STIM2: variants seen among roughly 807,000 people sequenced by gnomAD.
STIM2 encodes the protein stromal interaction molecule 2.
In STIM2, 31 loss-of-function variants were observed where a neutral mutation model predicts 85.8. That is an observed-to-expected ratio of 0.36 (90% CI 0.27 to 0.49). STIM2 has a LOEUF of 0.49. Among genes scored for constraint, STIM2 ranks in the 20% least tolerant of loss-of-function variants. The probability of loss-of-function intolerance (pLI) is 0.98; values close to 1 mark genes in which losing one functional copy is unlikely to be tolerated. For missense variants in STIM2, 841 were observed against 927.6 expected (o/e 0.91, Z 1.21); for synonymous variants, 356 against 331.1 (o/e 1.08, Z -0.82).
chr4:27,019,368 C>A (rs756915710), intron 11 of STIM2: 1 of 1,245,774 alleles, frequency 8.0e-7, no homozygotes, highest in Non-Finnish European at 1.1e-6. Context: ...TTGGTTAACA[C>A]TTTATGACTA....
rs187392174 is a variant in STIM2 at position 26,957,801 on chromosome 4, T to C, written c.397+75T>C. On this transcript the variant is annotated intron_variant, in intron 3 of 11. Coordinates refer to ENST00000467087, the MANE Select transcript of STIM2 (RefSeq NM_020860.4). ...TGCTTAGTTGTTCTCAACTCACTTA[T>C]AGTATGCTTTTACCAAAAAAATCAA... 110 of 859,668 alleles carry C rather than the reference T, an allele frequency of 1.3e-4. No individual in the cohort carries two copies. In the East Asian group the frequency reaches 1.5e-3, roughly 12 times the overall value. The allele number at this position is 859,668 out of a possible 1,614,324, so 53.3% of individuals were successfully genotyped here.
At chr4:26,990,034 G>A (rs1227325109) in intron 3 of STIM2, among the ~76,000 whole-genome samples, 3 of 151,968 alleles carry the variant, frequency 2.0e-5, no homozygotes, top group African/African-American at 7.2e-5. Flanking sequence ...ACTACCTAAA[G>A]TGATCTACAG....
chr4:26,913,961 A>G (rs1353941185), intron 1 of STIM2, among the ~76,000 whole-genome samples: 5 of 152,204 alleles, frequency 3.3e-5, no homozygotes, highest in Non-Finnish European at 5.9e-5. Context: ...GAAAGAGTGA[A>G]GGAGAAGGCT....
At chr4:26,877,309 C>T (rs911524153) in intron 1 of STIM2, among the ~76,000 whole-genome samples, 28 of 152,020 alleles carry the variant, frequency 1.8e-4, no homozygotes, top group African/African-American at 6.8e-4. Context: ...TTTAGCATTG[C>T]CATTTGACTC....
At chr4:26,936,246 G>C (rs1202631596) in intron 2 of STIM2, among the ~76,000 whole-genome samples, 2 of 152,154 alleles carry the variant, frequency 1.3e-5, no homozygotes, top group African/African-American at 2.4e-5. Context: ...ATGTCCTTAT[G>C]TCCTGACAAT....
chr4:26,915,279 G>A (rs1257289016), intron 1 of STIM2, among the ~76,000 whole-genome samples: 1 of 152,102 alleles, frequency 6.6e-6, no homozygotes, highest in East Asian at 1.9e-4. Flanking sequence ...CTGTTACCCA[G>A]GGTGGAGTGT....
rs1253101552 is a variant in STIM2 at position 27,009,754 on chromosome 4, G to C, written c.1489+752G>C. 3.3e-5 allele frequency among the ~76,000 whole-genome samples: 5 copies of C among 152,330 alleles called. No individual in the cohort carries two copies. In the East Asian group the frequency reaches 9.6e-4, roughly 29 times the overall value. On this transcript the variant is annotated intron_variant, in intron 10 of 11. Coordinates refer to ENST00000467087, the MANE Select transcript of STIM2 (RefSeq NM_020860.4). ...CATGACGGTTGCAAAGTTATGTCTA[G>C]ATCTGGGCCAGCTCTGCAGTTAGAA...
In STIM2 at chr4:26,907,932, A is replaced by T. The variant is rs148509771; in HGVS notation, c.152-11572A>T. On this transcript the variant is annotated intron_variant, in intron 1 of 11. Transcript: ENST00000467087. The stretch of plus-strand genomic sequence containing the variant: ...TTCTCCCCTCTTCCCTTATGATTGT[A>T]GCATAGCTTTGTAAATCTGTTAGCT... Among the ~76,000 whole-genome samples, 261 of 152,328 alleles carry T rather than the reference A, an allele frequency of 1.7e-3. 1 individual carries two copies. The highest frequency in any genetic ancestry group is 6.1e-3 in the African/African-American group (253 of 41,566).
intron 10 of STIM2, among the ~76,000 whole-genome samples, chr4:27,017,220 G>T (rs887558711): frequency 6.6e-6 from 1 of 152,186 alleles, no homozygotes; most frequent in African/African-American, 2.4e-5. Context: ...GTTTTGCTCT[G>T]AACTCTGCCT....
intron 1 of STIM2, chr4:26,874,433 A>G (rs1722742644): frequency 5.4e-6 from 1 of 185,118 alleles, no homozygotes; most frequent in Non-Finnish European, 1.1e-5. Context: ...AAGTACTTTT[A>G]GGAAGAACTG....
At chr4:26,892,414 A>G (rs1327888335) in intron 1 of STIM2, among the ~76,000 whole-genome samples, 6 of 152,142 alleles carry the variant, frequency 3.9e-5, no homozygotes, top group Admixed American at 2.0e-4. Flanking sequence ...CTCCTGTTTC[A>G]TAAGAGCACT....
chr4:26,979,275 G>A (rs773573784), intron 3 of STIM2, among the ~76,000 whole-genome samples: 4 of 152,152 alleles, frequency 2.6e-5, no homozygotes, highest in Non-Finnish European at 4.4e-5. Context: ...GGAGAAAAGT[G>A]AATTTGAGGC....
At chr4:26,919,293 G>C (rs1015410848) in intron 1 of STIM2, among the ~76,000 whole-genome samples, 5 of 152,072 alleles carry the variant, frequency 3.3e-5, no homozygotes, top group Non-Finnish European at 7.4e-5. Flanking sequence ...GTAGTTGCCT[G>C]ATGTTAATTA....
chr4:26,952,177 A>G (rs1023443120), intron 2 of STIM2, among the ~76,000 whole-genome samples: 1 of 152,158 alleles, frequency 6.6e-6, no homozygotes, highest in Non-Finnish European at 1.5e-5. Context: ...GGGTGGGGAC[A>G]CATCCAAACC....
At chr4:26,936,142 T>C (rs1226715222) in intron 2 of STIM2, among the ~76,000 whole-genome samples, 2 of 152,226 alleles carry the variant, frequency 1.3e-5, no homozygotes, top group Non-Finnish European at 2.9e-5. Context: ...TGAGACAGAT[T>C]TTAAGAAAAC....
chr4:26,891,611 A>G (rs1347901770), intron 1 of STIM2, among the ~76,000 whole-genome samples: 1 of 150,256 alleles, frequency 6.7e-6, no homozygotes, highest in Non-Finnish European at 1.5e-5. Flanking sequence ...CCTTTTGGTT[A>G]TTGGTTCTGT....
chr4:26,945,376 T>A (rs1725781537), intron 2 of STIM2, among the ~76,000 whole-genome samples: 1 of 152,236 alleles, frequency 6.6e-6, no homozygotes, highest in Non-Finnish European at 1.5e-5. Context: ...TCCATGTCTT[T>A]ACTATTGTGA....
intron 5 of STIM2, among the ~76,000 whole-genome samples, chr4:26,999,725 A>G (rs1329929895): frequency 2.0e-5 from 3 of 152,224 alleles, no homozygotes; most frequent in Admixed American, 6.5e-5. Context: ...GCATGAAGCA[A>G]TAGAGCCTAA....
chr4:26,977,576 T>C (rs1577475454), intron 3 of STIM2, among the ~76,000 whole-genome samples: 1 of 152,290 alleles, frequency 6.6e-6, no homozygotes, highest in South Asian at 2.1e-4. Context: ...GGCTGGAAAG[T>C]CTGATTTCAT....
Sources: gnomAD v4.1 joint callset for allele counts (sites outside exome capture counted in the v4.1 genomes callset) on GRCh38, gnomAD v4.1.1 for gene constraint, MANE v1.5 for transcripts, NCBI Gene and HGNC (gene_info 2026-07-23, HGNC 2026-07-21) for gene names.